Variants in NME7 observed in about 807,000 individuals in gnomAD.
NME7 encodes NME/NM23 family member 7.
A neutral mutation model predicts 49.1 loss-of-function variants in NME7; 41 were observed. The ratio of observed to expected loss-of-function variants is 0.83; its 90% CI spans 0.65 to 1.08. NME7 has a LOEUF of 1.08. NME7 is among the 50% of genes least tolerant of loss of function. The pLI, the probability that NME7 is intolerant of heterozygous loss-of-function variation, is 0.00. For synonymous variants in NME7, 139 were observed against 150.6 expected, an observed-to-expected ratio of 0.92 and a Z score of 0.56; for missense variants, 423 against 463.4, an observed-to-expected ratio of 0.91 and a Z score of 0.80.
At chr1:169,329,852 T>A (rs73036804) in intron 1 of NME7, among the ~76,000 whole-genome samples, 3,874 of 152,136 alleles carry the variant, frequency 0.025, 141 homozygotes, top group African/African-American at 0.087. Flanking sequence ...ATAGAAAACA[T>A]TAAACAGATT....
At chr1:169,308,210 TA>T (rs1164385789) in intron 4 of NME7, among the ~76,000 whole-genome samples, 2 of 152,068 alleles carry the variant, frequency 1.3e-5, no homozygotes, top group Non-Finnish European at 2.9e-5. Flanking sequence ...AAATTCCAAT[TA>T]AACATGTCAT....
In NME7 at chr1:169,169,377, A is replaced by G; in HGVS notation, c.1098+70T>C. ...TAACAATAAAACAAAAAGTTTTCTTACACATCAGAACTCCTGAGATAATTT... is the reference window on the plus strand; with the variant it reads ...TAACAATAAAACAAAAAGTTTTCTTGCACATCAGAACTCCTGAGATAATTT... On this transcript the variant is annotated intron_variant, in intron 11 of 11. Transcript: ENST00000367811. 2.2e-6 allele frequency: 3 copies of G among 1,366,988 alleles called. No individual in the cohort carries two copies. The South Asian group carries it at 3.7e-5, about 17-fold the overall frequency. The allele number at this position is 1,366,988 out of a possible 1,614,324, so 84.7% of individuals were successfully genotyped here.
chr1:169,318,875 T>C (rs915214696), intron 3 of NME7, among the ~76,000 whole-genome samples: 11 of 151,672 alleles, frequency 7.3e-5, no homozygotes, highest in African/African-American at 2.7e-4. Context: ...GAGATAGAGA[T>C]GGAAGCAGCG....
chr1:169,363,237 C>CA (rs1363560946), intron 1 of NME7, among the ~76,000 whole-genome samples: 2 of 150,004 alleles, frequency 1.3e-5, no homozygotes, highest in South Asian at 2.1e-4. Context: ...TATCCTGTCT[C>CA]AAAAAAAATA....
At chr1:169,239,470 CAAAT>C (rs1647994278) in intron 7 of NME7, among the ~76,000 whole-genome samples, 2 of 151,784 alleles carry the variant, frequency 1.3e-5, no homozygotes, top group African/African-American at 4.8e-5. Context: ...AAGAAGAAAA[CAAAT>C]AATGATGAAA....
At chr1:169,207,090 T>A (rs1660693920) in intron 10 of NME7, among the ~76,000 whole-genome samples, 1 of 152,082 alleles carries the variant, frequency 6.6e-6, no homozygotes, top group African/African-American at 2.4e-5. Context: ...ACCAGAAGCA[T>A]GGTACCAGCA....
intron 7 of NME7, among the ~76,000 whole-genome samples, chr1:169,262,844 C>T (rs1391921318): frequency 7.5e-6 from 1 of 133,850 alleles, no homozygotes; most frequent in Admixed American, 7.3e-5. Flanking sequence ...ACTCCCATGT[C>T]CCCCCAGGAA....
At chr1:169,304,068 T>C (rs1289850367) in intron 4 of NME7, among the ~76,000 whole-genome samples, 1 of 152,142 alleles carries the variant, frequency 6.6e-6, no homozygotes, top group Non-Finnish European at 1.5e-5. Flanking sequence ...ATGCTTTAAC[T>C]GACATCACTA....
intron 10 of NME7, among the ~76,000 whole-genome samples, chr1:169,201,051 A>T (rs1181079498): frequency 6.6e-6 from 1 of 152,012 alleles, no homozygotes; most frequent in Non-Finnish European, 1.5e-5. Flanking sequence ...GGCAACATAG[A>T]GAGACCCTAT....
At position 169,306,971 on chromosome 1, in the gene NME7, T is replaced by C. The variant is rs114701257; in HGVS notation, c.389+2999A>G. Among the ~76,000 whole-genome samples the C allele has an allele frequency of 2.0e-3, 303 of 152,216 alleles. 4 individuals are homozygous for C. Among genetic ancestry groups the C allele is most frequent in the African/African-American group, 7.1e-3 (294 of 41,526 alleles). Reference sequence around the variant, plus strand: ...ATCACTGACAGAGATGTTGAAGTCATCCCAACTGTCAGGAGACACTGGAAT... The same window carrying C: ...ATCACTGACAGAGATGTTGAAGTCACCCCAACTGTCAGGAGACACTGGAAT... On this transcript the variant is annotated intron_variant, in intron 4 of 11. Transcript: ENST00000367811.
At chr1:169,314,595 A>G (rs1486161636) in intron 3 of NME7, among the ~76,000 whole-genome samples, 2 of 152,092 alleles carry the variant, frequency 1.3e-5, no homozygotes, top group East Asian at 1.9e-4. Flanking sequence ...TCTACAGTAG[A>G]TGCAGATTAT....
Position 169,168,175 on chromosome 1 carries a change from G to T in NME7, c.1098+1272C>A, listed in dbSNP as rs1200084. ...TCATATAAAAACCTCAAGTCAAAAG[G>T]TCAAGCCATACACTTGTCTTTCAAG... On this transcript the variant is annotated intron_variant, in intron 11 of 11. Coordinates refer to ENST00000367811, the MANE Select transcript of NME7 (RefSeq NM_013330.5). 8.8e-3 allele frequency among the ~76,000 whole-genome samples: 1,333 copies of T among 152,212 alleles called. 13 individuals carry two copies. The highest frequency in any genetic ancestry group is 0.03 in the African/African-American group (1,262 of 41,518).
chr1:169,264,965 C>A (rs1281858764), intron 7 of NME7, among the ~76,000 whole-genome samples: 1 of 133,226 alleles, frequency 7.5e-6, no homozygotes. Context: ...GGGAAGCAAA[C>A]ATGTCCTTCA....
intron 10 of NME7, among the ~76,000 whole-genome samples, chr1:169,170,649 C>T (rs1270284168): frequency 6.6e-6 from 1 of 152,056 alleles, no homozygotes; most frequent in African/African-American, 2.4e-5. Flanking sequence ...GCGTGGTGGC[C>T]CACACCTGTA....
intron 10 of NME7, among the ~76,000 whole-genome samples, chr1:169,230,145 A>G (rs1647537636): frequency 1.3e-5 from 2 of 152,150 alleles, no homozygotes; most frequent in Admixed American, 1.3e-4. Flanking sequence ...ATATTTGCAT[A>G]GAGCTTTATC....
chr1:169,327,791 T>C (rs1047200784), intron 1 of NME7, among the ~76,000 whole-genome samples: 15 of 152,144 alleles, frequency 9.9e-5, no homozygotes, highest in Admixed American at 9.2e-4. Context: ...GAGAAATAAA[T>C]CACACCACCA....
chr1:169,247,775 T>C (rs1008781045), intron 7 of NME7, among the ~76,000 whole-genome samples: 3 of 152,198 alleles, frequency 2.0e-5, no homozygotes, highest in Admixed American at 6.5e-5. Context: ...CTTAGAATAA[T>C]GGCTTCTAGC....
Position 169,270,434 on chromosome 1 carries a change from C to T in NME7, c.754+16869G>A, listed in dbSNP as rs1174201928. 2.2e-5 allele frequency among the ~76,000 whole-genome samples: 3 copies of T among 133,666 alleles called. 1 individual carries two copies. The highest frequency in any genetic ancestry group is 7.6e-5 in the African/African-American group (3 of 39,590). The allele number at this position is 133,666 out of a possible 152,430, so 87.7% of individuals were successfully genotyped here. On this transcript the variant is annotated intron_variant, in intron 7 of 11. Coordinates refer to ENST00000367811, the MANE Select transcript of NME7 (RefSeq NM_013330.5). Reference sequence around the variant, plus strand: ...ATGTAAGCAATAAACCTACTTCATGCACTTAAATCAGACCTAGGCTTTAAC... The same window carrying T: ...ATGTAAGCAATAAACCTACTTCATGTACTTAAATCAGACCTAGGCTTTAAC...
At chr1:169,227,839 T>A (rs150133957) in intron 10 of NME7, among the ~76,000 whole-genome samples, 13 of 152,304 alleles carry the variant, frequency 8.5e-5, no homozygotes, top group Non-Finnish European at 1.2e-4. Context: ...ATTCCCAGGC[T>A]GAGCTAAGTG....
Sources: gnomAD v4.1 joint callset for allele counts (sites outside exome capture counted in the v4.1 genomes callset) on GRCh38, gnomAD v4.1.1 for gene constraint, MANE v1.5 for transcripts, NCBI Gene and HGNC (gene_info 2026-07-23, HGNC 2026-07-21) for gene names.